Variants in SHLD1 observed in about 807,000 individuals in gnomAD.
SHLD1 encodes shieldin complex subunit 1, also known as RINN1-REV7-interacting novel NHEJ regulator 3.
In SHLD1, 3 loss-of-function variants were observed where a neutral mutation model predicts 5.5. The ratio of observed to expected loss-of-function variants is 0.54; its 90% CI spans 0.25 to 1.40. The LOEUF (loss-of-function observed/expected upper bound fraction) is 1.40, where lower values mean the gene tolerates loss of function less well. Among genes scored for constraint, SHLD1 ranks in the 40% most tolerant of loss-of-function variants. The pLI is 0.15. For synonymous variants in SHLD1, 92 were observed against 94.3 expected, an observed-to-expected ratio of 0.98 and a Z score of 0.14; for missense variants, 210 against 244.4, an observed-to-expected ratio of 0.86 and a Z score of 0.94.
intron 2 of SHLD1, among the ~76,000 whole-genome samples, chr20:5,788,057 A>G (rs181244288): frequency 1.3e-5 from 2 of 152,316 alleles, no homozygotes; most frequent in Admixed American, 1.3e-4. Flanking sequence ...GCATGTTCCT[A>G]GTGGAGTTGT....
At chr20:5,825,335 G>A (rs1393092209) in intron 2 of SHLD1, among the ~76,000 whole-genome samples, 1 of 152,236 alleles carries the variant, frequency 6.6e-6, no homozygotes, top group Non-Finnish European at 1.5e-5. Flanking sequence ...CTGGGTGGCT[G>A]CAGGCTCCTG....
At chr20:5,852,120 C>T (rs1032881034) in intron 2 of SHLD1, among the ~76,000 whole-genome samples, 2 of 152,136 alleles carry the variant, frequency 1.3e-5, no homozygotes, top group Non-Finnish European at 2.9e-5. Flanking sequence ...CAGATGCCAG[C>T]GCCATGCTTG....
intron 2 of SHLD1, among the ~76,000 whole-genome samples, chr20:5,826,660 T>C (rs1420170712): frequency 1.3e-5 from 2 of 152,152 alleles, no homozygotes; most frequent in African/African-American, 4.8e-5. Context: ...TAGTTGAGAA[T>C]ATGACTCTGG....
intron 2 of SHLD1, among the ~76,000 whole-genome samples, chr20:5,860,443 C>G (rs111298076): frequency 0.019 from 2,924 of 152,114 alleles, 108 homozygotes; most frequent in African/African-American, 0.067. Context: ...TTTCTACAAA[C>G]AAGGACATTC....
rs919524517 is a variant in SHLD1 at position 5,806,808 on chromosome 20, G to A, written c.178+33765G>A. Among the ~76,000 whole-genome samples the A allele has an allele frequency of 5.3e-5, 8 of 152,190 alleles. No homozygotes were observed. The highest frequency in any genetic ancestry group is 3.9e-4 in the Admixed American group (6 of 15,278). Reference sequence around the variant, plus strand: ...GTGTTGTTGTTTCTCCGCACCCAAGGGATGTGAACAGAGTGGTGGCAGTGA... The same window carrying A: ...GTGTTGTTGTTTCTCCGCACCCAAGAGATGTGAACAGAGTGGTGGCAGTGA... On this transcript the variant is annotated intron_variant, in intron 2 of 2. Coordinates refer to ENST00000303142, the MANE Select transcript of SHLD1 (RefSeq NM_152504.4). The surrounding 1 kb of genome is among the most constrained non-coding windows in gnomAD (Gnocchi z 7.6).
At chr20:5,779,234 A>G (rs1283867439) in intron 2 of SHLD1, among the ~76,000 whole-genome samples, 1 of 151,806 alleles carries the variant, frequency 6.6e-6, no homozygotes, top group Non-Finnish European at 1.5e-5. Flanking sequence ...AGGAGAGGTT[A>G]TCACTGGTAA....
chr20:5,752,343 C>T (rs113649012), intron 1 of SHLD1, among the ~76,000 whole-genome samples: 3,648 of 151,098 alleles, frequency 0.024, 71 homozygotes, highest in Non-Finnish European at 0.039. Context: ...TTGCAGTGAG[C>T]TGAGATCGCA....
chr20:5,799,548 A>G (rs1353518058), intron 2 of SHLD1, among the ~76,000 whole-genome samples: 1 of 146,826 alleles, frequency 6.8e-6, no homozygotes, highest in Non-Finnish European at 1.5e-5. Context: ...TCCTGAGCTC[A>G]AGCAATTTGC....
intron 1 of SHLD1, among the ~76,000 whole-genome samples, chr20:5,762,747 G>C (rs1319824321): frequency 6.6e-6 from 1 of 152,014 alleles, no homozygotes; most frequent in African/African-American, 2.4e-5. Flanking sequence ...GACTGAGGCA[G>C]GTGGGTCACG....
intron 2 of SHLD1, among the ~76,000 whole-genome samples, chr20:5,778,452 T>A (rs1985540273): frequency 6.6e-6 from 1 of 151,362 alleles, no homozygotes. Context: ...AAAAAAAATT[T>A]AAAAATTAGC....
At chr20:5,805,332 T>C (rs1276605088) in intron 2 of SHLD1, among the ~76,000 whole-genome samples, 2 of 152,048 alleles carry the variant, frequency 1.3e-5, no homozygotes, top group Non-Finnish European at 2.9e-5. Context: ...TAATTTTGTA[T>C]TTTTAGTAGA....
At chr20:5,751,597 G>A (rs1051691212) in intron 1 of SHLD1, among the ~76,000 whole-genome samples, 9 of 152,096 alleles carry the variant, frequency 5.9e-5, no homozygotes, top group African/African-American at 9.7e-5. Context: ...GAGCCACCAC[G>A]CCCGGCTATC....
rs966239788 is a variant in SHLD1 at position 5,773,238 on chromosome 20, G to A, written c.178+195G>A. 3.9e-5 allele frequency: 28 copies of A among 708,998 alleles called. No individual in the cohort carries two copies. In the African/African-American group the frequency reaches 4.3e-4, roughly 11 times the overall value. The allele number at this position is 708,998 out of a possible 1,614,324, so 43.9% of individuals were successfully genotyped here. ...AGCTTACCTGGCACAGCAATGACAA[G>A]GAGCTGTTTCCTGGATGTCTTTTTG... On this transcript the variant is annotated intron_variant, in intron 2 of 2. Transcript: ENST00000303142.
intron 2 of SHLD1, among the ~76,000 whole-genome samples, chr20:5,861,569 A>G (rs1209705566): frequency 1.3e-5 from 2 of 152,238 alleles, no homozygotes; most frequent in African/African-American, 4.8e-5. Context: ...GAATGTGCTG[A>G]TAACTTCCGG....
intron 1 of SHLD1, among the ~76,000 whole-genome samples, chr20:5,770,810 C>G (rs1985113513): frequency 6.6e-6 from 1 of 152,156 alleles, no homozygotes; most frequent in Admixed American, 6.6e-5. Context: ...ATGTCCTAGT[C>G]AAGCGGCTGA....
chr20:5,800,061 T>C (rs906102296), intron 2 of SHLD1, among the ~76,000 whole-genome samples: 1 of 152,164 alleles, frequency 6.6e-6, no homozygotes, highest in African/African-American at 2.4e-5. Context: ...TCTGGAGACA[T>C]TTTTGGTTGT....
rs6053670 is a variant in SHLD1, at chr20:5,770,430, G to A, written c.-4-2432G>A. Among the ~76,000 whole-genome samples the A allele has an allele frequency of 8.7e-3, 1,320 of 152,234 alleles. 17 individuals carry two copies. Among genetic ancestry groups the A allele is most frequent in the African/African-American group, 0.03 (1,245 of 41,536 alleles). On this transcript the variant is annotated intron_variant, in intron 1 of 2. Transcript: ENST00000303142. ...TTCATCTTCCTCTTCCTCTGTGGAG[G>A]ACATGAAAGTTCTTCCAGTTCCTCA... is the stretch of plus-strand genomic sequence containing the variant.
At chr20:5,817,430 C>CTGTG (rs1348723186) in intron 2 of SHLD1, among the ~76,000 whole-genome samples, 69 of 99,572 alleles carry the variant, frequency 6.9e-4, no homozygotes, top group Middle Eastern at 4.7e-3. Context: ...CTCTCTCTCT[C>CTGTG]TCTGTGTGTG....
chr20:5,771,314 CT>C (rs1985140533), intron 1 of SHLD1, among the ~76,000 whole-genome samples: 1 of 152,184 alleles, frequency 6.6e-6, no homozygotes, highest in African/African-American at 2.4e-5. Context: ...CCTTAATCTA[CT>C]TCTTCAAGTC....
Sources: gnomAD v4.1 joint callset for allele counts (sites outside exome capture counted in the v4.1 genomes callset) on GRCh38, gnomAD v4.1.1 for gene constraint, Gnocchi (gnomAD v3.1) non-coding constraint, MANE v1.5 for transcripts, NCBI Gene and HGNC (gene_info 2026-07-23, HGNC 2026-07-21) for gene names.